Variants in EHBP1 observed in about 807,000 individuals in gnomAD.
EHBP1 encodes the protein EH domain binding protein 1.
EHBP1 carries 55 observed loss-of-function variants against 144.0 expected under a neutral mutation model. The observed-to-expected ratio is 0.38, with a 90% CI of 0.31 to 0.48. The LOEUF is 0.48. EHBP1 is among the 20% of genes least tolerant of loss of function. EHBP1 has a pLI of 0.98. For missense variants in EHBP1, 1,200 were observed against 1,364.2 expected, an observed-to-expected ratio of 0.88 and a Z score of 1.90; for synonymous variants, 469 against 472.7, an observed-to-expected ratio of 0.99 and a Z score of 0.10.
intron 5 of EHBP1, among the ~76,000 whole-genome samples, chr2:62,821,102 C>A (rs1257207943): frequency 6.6e-6 from 1 of 151,884 alleles, no homozygotes; most frequent in South Asian, 2.1e-4. Flanking sequence ...ATGACAGAAT[C>A]TTATAGAACA....
intron 5 of EHBP1, among the ~76,000 whole-genome samples, chr2:62,796,993 C>T (rs961590770): frequency 4.6e-5 from 7 of 152,042 alleles, no homozygotes; most frequent in Non-Finnish European, 5.9e-5. Flanking sequence ...CCCTAGCTCC[C>T]GTGAAACTTT....
intron 3 of EHBP1, among the ~76,000 whole-genome samples, chr2:62,750,277 G>A (rs1378889211): frequency 2.6e-5 from 4 of 152,008 alleles, no homozygotes; most frequent in East Asian, 1.9e-4. Flanking sequence ...TAGGTTTGTC[G>A]AAGATCTTAT....
At chr2:62,988,893 C>T (rs1177420958) in intron 15 of EHBP1, among the ~76,000 whole-genome samples, 3 of 152,118 alleles carry the variant, frequency 2.0e-5, no homozygotes, top group Non-Finnish European at 4.4e-5. Flanking sequence ...CCATGGCATG[C>T]ACCTGCAATG....
intron 14 of EHBP1, among the ~76,000 whole-genome samples, chr2:62,977,151 T>C (rs1048594680): frequency 6.6e-6 from 1 of 151,174 alleles, no homozygotes; most frequent in Non-Finnish European, 1.5e-5. Context: ...AATACACCTC[T>C]AATTGATGAT....
chr2:62,803,658 G>T (rs555204562), intron 5 of EHBP1, among the ~76,000 whole-genome samples: 1 of 152,040 alleles, frequency 6.6e-6, no homozygotes, highest in Non-Finnish European at 1.5e-5. Flanking sequence ...TGCATTTTTC[G>T]TACTTATTTA....
chr2:62,957,723 G>C (rs1158044727), intron 14 of EHBP1, among the ~76,000 whole-genome samples: 1 of 131,108 alleles, frequency 7.6e-6, no homozygotes. Context: ...TCGGCTCACT[G>C]CAAGCTTCGC....
intron 10 of EHBP1, among the ~76,000 whole-genome samples, chr2:62,907,891 C>T (rs1467710088): frequency 6.6e-6 from 1 of 152,124 alleles, no homozygotes; most frequent in African/African-American, 2.4e-5. Context: ...ACTTTAATCT[C>T]TCTAGTTTTG....
chr2:62,951,725 A>G (rs952158154), intron 13 of EHBP1, among the ~76,000 whole-genome samples: 2 of 152,130 alleles, frequency 1.3e-5, no homozygotes, highest in East Asian at 3.9e-4. Context: ...GGGTTTCACC[A>G]CATTGGCCAG....
chr2:62,860,871 T>C (rs2049468044), intron 8 of EHBP1, among the ~76,000 whole-genome samples: 1 of 152,128 alleles, frequency 6.6e-6, no homozygotes, highest in Non-Finnish European at 1.5e-5. Context: ...GAATCTTTAA[T>C]TATACCTGTA....
At chr2:62,781,515 G>A (rs1221621403) in intron 5 of EHBP1, among the ~76,000 whole-genome samples, 1 of 152,058 alleles carries the variant, frequency 6.6e-6, no homozygotes, top group Non-Finnish European at 1.5e-5. Context: ...TATATATATG[G>A]TAAAGGCATT....
intron 10 of EHBP1, among the ~76,000 whole-genome samples, chr2:62,916,592 C>CA (rs1366110061): frequency 0.017 from 1,955 of 114,730 alleles, 26 homozygotes; most frequent in African/African-American, 0.04. Context: ...GACTCTGTCT[C>CA]AAAAAAAAAA....
intron 7 of EHBP1, among the ~76,000 whole-genome samples, chr2:62,838,341 G>C (rs2047477385): frequency 6.6e-6 from 1 of 152,158 alleles, no homozygotes; most frequent in African/African-American, 2.4e-5. Flanking sequence ...ATTCAAAGCA[G>C]TGTGTAGAGG....
chr2:62,864,019 G>T (rs1229260039), intron 8 of EHBP1, among the ~76,000 whole-genome samples: 1 of 151,576 alleles, frequency 6.6e-6, no homozygotes, highest in African/African-American at 2.4e-5. Context: ...GCTAGTTTTT[G>T]TGTATTAAGT....
intron 5 of EHBP1, among the ~76,000 whole-genome samples, chr2:62,812,681 G>A (rs2045111848): frequency 6.6e-6 from 1 of 152,192 alleles, no homozygotes; most frequent in African/African-American, 2.4e-5. Context: ...CTATGTCCAA[G>A]GGCTTTATGG....
At chr2:62,691,611 C>G (rs1383493980) in intron 1 of EHBP1, among the ~76,000 whole-genome samples, 1 of 152,158 alleles carries the variant, frequency 6.6e-6, no homozygotes, top group African/African-American at 2.4e-5. Flanking sequence ...CTCCTCCAGA[C>G]CTCCTAAATT....
At chr2:62,843,598 A>G (rs1451377254) in intron 7 of EHBP1, among the ~76,000 whole-genome samples, 2 of 152,176 alleles carry the variant, frequency 1.3e-5, no homozygotes, top group African/African-American at 4.8e-5. Context: ...ACCTAAATTA[A>G]TAGCACAGCA....
rs918171914 is a variant in EHBP1 at position 63,045,939 on chromosome 2, A to AT, written c.*446dup. 8 of 156,956 alleles carry AT rather than the reference A, an allele frequency of 5.1e-5. No individual in the cohort carries two copies. The highest frequency in any genetic ancestry group is 1.9e-4 in the East Asian group (1 of 5,292). The allele number at this position is 156,956 out of a possible 1,614,324, so 9.7% of individuals were successfully genotyped here. ...ACAAGGGGATAAGAAAAATGTCATGATTTTTTTCCGGTCCTGCCACATGTA... is the reference window on the plus strand; with the variant it reads ...ACAAGGGGATAAGAAAAATGTCATGATTTTTTTTCCGGTCCTGCCACATGTA... On this transcript the variant is annotated 3_prime_UTR_variant, in exon 23 of 23. Transcript: ENST00000431489. The surrounding 1 kb of genome is among the most constrained non-coding windows in gnomAD (Gnocchi z 5.7).
At chr2:62,749,069 T>C (rs1192227250) in intron 3 of EHBP1, among the ~76,000 whole-genome samples, 1 of 152,214 alleles carries the variant, frequency 6.6e-6, no homozygotes, top group East Asian at 1.9e-4. Flanking sequence ...TGTGCCATGT[T>C]GGTGTGCTGC....
In EHBP1 at chr2:62,796,910, C is replaced by T. The variant is rs2043577440; in HGVS notation, c.312+25518C>T. The stretch of plus-strand genomic sequence containing the variant: ...CCTAAGTTCTCCCTCCTCCGTAGGC[C>T]CCCTCTCTGGAAACACACACACATA... On this transcript the variant is annotated intron_variant, in intron 5 of 22. Transcript: ENST00000431489. 2.0e-5 allele frequency among the ~76,000 whole-genome samples: 3 copies of T among 151,962 alleles called. No homozygotes were observed. In the South Asian group the frequency reaches 6.2e-4, roughly 32 times the overall value.
Sources: allele counts gnomAD v4.1 joint callset (sites outside exome capture counted in the v4.1 genomes callset), GRCh38; gene constraint gnomAD v4.1.1; non-coding constraint Gnocchi (gnomAD v3.1); transcripts MANE v1.5; gene names NCBI Gene and HGNC (gene_info 2026-07-23, HGNC 2026-07-21).